The following RBFOX1 variants were observed in gnomAD, a reference collection of about 807,000 sequenced individuals.
RBFOX1 encodes the protein RNA binding protein fox-1 homolog 1.
Under a neutral mutation model 57.7 loss-of-function variants are expected in RBFOX1, and 8 were observed. That is an observed-to-expected ratio of 0.14 (90% CI 0.08 to 0.25). The LOEUF is 0.25. Ranked by LOEUF, RBFOX1 falls within the 10% of genes least tolerant of loss-of-function variation. The probability of loss-of-function intolerance (pLI) is 1.00; values close to 1 mark genes in which losing one functional copy is unlikely to be tolerated. For missense variants in RBFOX1, 611 were observed against 548.5 expected, an observed-to-expected ratio of 1.11 and a Z score of -1.14; for synonymous variants, 326 against 222.4, an observed-to-expected ratio of 1.47 and a Z score of -4.15.
chr16:6,135,756 G>C (rs2152688058), intron 1 of RBFOX1, among the ~76,000 whole-genome samples: 1 of 150,970 alleles, frequency 6.6e-6, no homozygotes, highest in East Asian at 1.9e-4. Flanking sequence ...AGGTGGCAGG[G>C]GAATTCCTGG....
intron 2 of RBFOX1, among the ~76,000 whole-genome samples, chr16:6,557,827 A>G (rs2097126323): frequency 6.6e-6 from 1 of 152,202 alleles, no homozygotes; most frequent in Non-Finnish European, 1.5e-5. Context: ...AGAGCTAAGT[A>G]GATTTGTAGG....
chr16:7,193,704 A>G (rs867223540), intron 4 of RBFOX1, among the ~76,000 whole-genome samples: 6 of 152,224 alleles, frequency 3.9e-5, no homozygotes, highest in Non-Finnish European at 7.3e-5. Context: ...GACAAAGCAG[A>G]TGCTTAGTCA....
At chr16:5,424,258 C>G (rs1165386936) in intron 1 of RBFOX1, among the ~76,000 whole-genome samples, 1 of 152,194 alleles carries the variant, frequency 6.6e-6, no homozygotes, top group Non-Finnish European at 1.5e-5. Flanking sequence ...ACAGCGCCAC[C>G]TAATTTTGAT....
At position 6,702,608 on chromosome 16, in the gene RBFOX1, G is replaced by T. The variant is rs114877886; in HGVS notation, c.-16+47958G>T. 6.2e-3 allele frequency among the ~76,000 whole-genome samples: 948 copies of T among 151,918 alleles called. 13 individuals are homozygous for T. The highest frequency in any genetic ancestry group is 0.021 in the African/African-American group (864 of 41,446). Reference sequence around the variant, plus strand: ...TCAACATTCTATTCCTTCCCAAAAAGTTCTGCTGAAGACTAAATGAGGTCA... The same window carrying T: ...TCAACATTCTATTCCTTCCCAAAAATTTCTGCTGAAGACTAAATGAGGTCA... On this transcript the variant is annotated intron_variant, in intron 3 of 15. Coordinates refer to ENST00000550418, the MANE Select transcript of RBFOX1 (RefSeq NM_018723.4).
chr16:6,062,518 A>G (rs1426590533), intron 1 of RBFOX1, among the ~76,000 whole-genome samples: 2 of 150,828 alleles, frequency 1.3e-5, no homozygotes, highest in Non-Finnish European at 2.9e-5. Flanking sequence ...CATATTTCTT[A>G]TAAATCACAA....
intron 2 of RBFOX1, among the ~76,000 whole-genome samples, chr16:6,327,063 C>T (rs1451990220): frequency 6.6e-6 from 1 of 152,168 alleles, no homozygotes; most frequent in Non-Finnish European, 1.5e-5. Flanking sequence ...GATTCACCTG[C>T]ACCTGAATGG....
intron 11 of RBFOX1, 50 bp from the exon 12 acceptor site, chr16:7,653,765 G>A: frequency 6.3e-7 from 1 of 1,598,450 alleles, no homozygotes; most frequent in Non-Finnish European, 8.5e-7. Flanking sequence ...ACAGCAGGGT[G>A]TGCATCTGAC....
intron 4 of RBFOX1, among the ~76,000 whole-genome samples, chr16:5,969,477 ATTTTTTT>A (rs34622040): frequency 1.7e-5 from 2 of 117,040 alleles, no homozygotes; most frequent in Non-Finnish European, 3.4e-5. Context: ...ACGCCTGGCT[ATTTTTTT>A]TTTTTTTTTT....
intron 3 of RBFOX1, among the ~76,000 whole-genome samples, chr16:5,755,498 A>G (rs1469658079): frequency 6.6e-6 from 1 of 152,232 alleles, no homozygotes; most frequent in African/African-American, 2.4e-5. Context: ...CCAAAGCAGT[A>G]GCCCTAAGCT....
intron 1 of RBFOX1, among the ~76,000 whole-genome samples, chr16:6,297,529 G>A (rs538096600): frequency 6.6e-6 from 1 of 152,226 alleles, no homozygotes; most frequent in East Asian, 1.9e-4. Context: ...TCTGTAAAAT[G>A]AGAATAGTGG....
intron 3 of RBFOX1, chr16:5,611,255 G>T (rs1450558043): frequency 1.3e-5 from 2 of 152,370 alleles, no homozygotes; most frequent in South Asian, 2.1e-4. Context: ...TGGTTTGGCA[G>T]TGGGTTTCAT....
intron 2 of RBFOX1, among the ~76,000 whole-genome samples, chr16:5,484,595 T>C (rs771304367): frequency 1.8e-4 from 28 of 151,970 alleles, no homozygotes; most frequent in Non-Finnish European, 3.5e-4. Flanking sequence ...CTAGGCAACA[T>C]AGCGAGACCT....
intron 2 of RBFOX1, among the ~76,000 whole-genome samples, chr16:5,591,267 T>C (rs2046996926): frequency 7.3e-6 from 1 of 137,002 alleles, no homozygotes; most frequent in Admixed American, 7.1e-5. Context: ...TTTTTTTTTT[T>C]TGAGACGGAG....
At chr16:6,981,586 G>T (rs1226851773) in intron 3 of RBFOX1, among the ~76,000 whole-genome samples, 1 of 152,250 alleles carries the variant, frequency 6.6e-6, no homozygotes, top group South Asian at 2.1e-4. Flanking sequence ...CACGTGGCTG[G>T]GGAGGCCTCA....
intron 2 of RBFOX1, among the ~76,000 whole-genome samples, chr16:6,633,735 G>T (rs1236266650): frequency 6.6e-6 from 1 of 152,138 alleles, no homozygotes; most frequent in Non-Finnish European, 1.5e-5. Flanking sequence ...CTAGCCAGGC[G>T]CTGTAGCTCA....
intron 2 of RBFOX1, among the ~76,000 whole-genome samples, chr16:6,637,548 C>T (rs78293632): frequency 0.1 from 1,006 of 9,630 alleles, 12 homozygotes; most frequent in Middle Eastern, 0.5. Flanking sequence ...ATACAATCTG[C>T]ATAGTATATA....
chr16:6,260,696 G>C (rs988160031), intron 1 of RBFOX1, among the ~76,000 whole-genome samples: 9 of 152,208 alleles, frequency 5.9e-5, no homozygotes, highest in South Asian at 2.1e-4. Flanking sequence ...TGGCCAACAT[G>C]GTGAAACCCC....
chr16:6,896,622 C>T (rs67065436), intron 3 of RBFOX1, among the ~76,000 whole-genome samples: 6,753 of 152,224 alleles, frequency 0.044, 188 homozygotes, highest in Non-Finnish European at 0.062. Context: ...ATGTAATCTG[C>T]GGACGGTATT....
In RBFOX1 at chr16:6,598,675, T is replaced by A. The variant is rs150197687; in HGVS notation, c.-63-55928T>A. On this transcript the variant is annotated intron_variant, in intron 2 of 15. Transcript: ENST00000550418. Reference sequence around the variant, plus strand: ...AGAATACGTAGTGGCTGGCTGGGCGTGGTGGCTCACGTCTGTAATCTCAGC... The same window carrying A: ...AGAATACGTAGTGGCTGGCTGGGCGAGGTGGCTCACGTCTGTAATCTCAGC... Among the ~76,000 whole-genome samples the A allele has an allele frequency of 5.3e-3, 801 of 152,266 alleles. 10 individuals are homozygous for A. The highest frequency in any genetic ancestry group is 0.018 in the African/African-American group (744 of 41,538).
Sources: allele counts gnomAD v4.1 joint callset (sites outside exome capture counted in the v4.1 genomes callset), GRCh38; gene constraint gnomAD v4.1.1; transcripts MANE v1.5; gene names NCBI Gene and HGNC (gene_info 2026-07-23, HGNC 2026-07-21).